The following DUX4 variants were observed in gnomAD, a reference collection of about 807,000 sequenced individuals.
DUX4 encodes the protein double homeobox protein 4.
At chr4:190,181,347 A>ATT (rs1742566331) in intron 1 of DUX4, among the ~76,000 whole-genome samples, 1 of 346 alleles carries the variant, frequency 2.9e-3, no homozygotes, top group African/African-American at 0.01. Flanking sequence ...CTGCAAAGAT[A>ATT]TGCCACAATG....
downstream of DUX4, among the ~76,000 whole-genome samples, chr4:190,179,486 TGA>T (rs1742497448): frequency 8.3e-6 from 1 of 120,182 alleles, no homozygotes. Context: ...ATCACCTGGG[TGA>T]TCAGTGCAGA....
At chr4:190,179,536 A>T (rs1742502406), downstream of DUX4, among the ~76,000 whole-genome samples, 3 of 136,988 alleles carry the variant, frequency 2.2e-5, no homozygotes, top group East Asian at 2.0e-4. Flanking sequence ...AGCCTAGACA[A>T]GAGTTATATC....
At position 190,175,243 on chromosome 4, in the gene DUX4, T is replaced by A. The variant is rs1467121956; in HGVS notation, c.*195T>A. 0.18 allele frequency: 13,401 copies of A among 75,482 alleles called. 6 individuals are homozygous for A. Among genetic ancestry groups the A allele is most frequent in the Non-Finnish European group, 0.23 (8,790 of 38,866 alleles). 4.7% of individuals were successfully genotyped at this position (75,482 alleles called of 1,614,324 possible). A position where few individuals can be genotyped will look rare whatever the true frequency, so the allele number is the denominator to read the frequency against. ...TCCGCGGAGAACTGCCTTTCTTTCC[T>A]GGGCATCCCGGGGATCCCAGAGCCG... On this transcript the variant is annotated 3_prime_UTR_variant, in exon 1 of 2. Transcript: ENST00000565211.
At chr4:190,177,182 G>A (rs1579832511), downstream of DUX4, among the ~76,000 whole-genome samples, 124 of 140,128 alleles carry the variant, frequency 8.8e-4, no homozygotes, top group African/African-American at 2.7e-3. Flanking sequence ...GCAGAGCTAT[G>A]TCAAAACGCC....
At chr4:190,181,480 G>T (rs1742572950) in intron 1 of DUX4, among the ~76,000 whole-genome samples, 2,929 of 68,464 alleles carry the variant, frequency 0.043, no homozygotes, top group East Asian at 0.095. Context: ...TCAGTGCAGA[G>T]ATACGTCACA....
At chr4:190,177,958 C>A (rs1742396359), downstream of DUX4, among the ~76,000 whole-genome samples, 2 of 141,886 alleles carry the variant, frequency 1.4e-5, no homozygotes, top group Admixed American at 7.2e-5. Context: ...TAGGCAGAGC[C>A]TAGACAAGAG....
chr4:190,176,684 T>C (rs1235335996), downstream of DUX4, among the ~76,000 whole-genome samples: 1 of 107,972 alleles, frequency 9.3e-6, no homozygotes. Flanking sequence ...ATCACTTGGT[T>C]GATCAGTTCA....
downstream of DUX4, among the ~76,000 whole-genome samples, chr4:190,177,870 A>AGCCGCC (rs1742391913): frequency 6.9e-6 from 1 of 145,352 alleles, no homozygotes; most frequent in Admixed American, 6.9e-5. Context: ...ATATGTCACA[A>AGCCGCC]TGTCCCTGTA....
intron 1 of DUX4, among the ~76,000 whole-genome samples, chr4:190,181,585 A>G (rs1742584094): frequency 5.2e-5 from 7 of 135,544 alleles, no homozygotes; most frequent in African/African-American, 1.7e-4. Flanking sequence ...AGCCTAGTCA[A>G]GCGTTACATC....
At chr4:190,181,303 A>AAT (rs1742562984) in intron 1 of DUX4, among the ~76,000 whole-genome samples, 3 of 134,344 alleles carry the variant, frequency 2.2e-5, no homozygotes, top group Non-Finnish European at 3.2e-5. Context: ...CAGTAGGCAG[A>AAT]GCCTAAAGAA....
downstream of DUX4, among the ~76,000 whole-genome samples, chr4:190,176,341 G>T (rs1440541965): frequency 1.4e-4 from 16 of 114,686 alleles, 5 homozygotes; most frequent in Non-Finnish European, 2.9e-4. Flanking sequence ...ACATCACCTG[G>T]GTGATCAGTG....
At chr4:190,177,049 A>ATGTC (rs1742338579), downstream of DUX4, among the ~76,000 whole-genome samples, 1 of 140,612 alleles carries the variant, frequency 7.1e-6, no homozygotes, top group Non-Finnish European at 1.6e-5. Flanking sequence ...GATATGTCAC[A>ATGTC]AATCCCCCTC....
downstream of DUX4, among the ~76,000 whole-genome samples, chr4:190,178,232 C>G (rs1742411943): frequency 9.3e-5 from 14 of 150,292 alleles, no homozygotes; most frequent in South Asian, 2.1e-4. Context: ...GTAGGCAGAG[C>G]ATAGAGAAGA....
intron 1 of DUX4, among the ~76,000 whole-genome samples, chr4:190,181,293 CAGTAGG>C (rs1742562282): frequency 1.2e-5 from 1 of 84,306 alleles, no homozygotes; most frequent in African/African-American, 5.0e-5. Context: ...ACAATGCCGC[CAGTAGG>C]CAGAGCCTAA....
chr4:190,178,958 G>C (rs1579834956), downstream of DUX4, among the ~76,000 whole-genome samples: 5 of 141,844 alleles, frequency 3.5e-5, no homozygotes, highest in Admixed American at 7.3e-5. Context: ...GCAGAAATAC[G>C]TCACAATGCC....
downstream of DUX4, among the ~76,000 whole-genome samples, chr4:190,178,248 A>C (rs1742412871): frequency 7.9e-5 from 12 of 151,902 alleles, no homozygotes; most frequent in South Asian, 4.1e-4. Flanking sequence ...GAAGAGTTGC[A>C]TCACCTGGGT....
chr4:190,177,025 G>T (rs1742337116), downstream of DUX4, among the ~76,000 whole-genome samples: 901 of 91,820 alleles, frequency 9.8e-3, no homozygotes, highest in East Asian at 0.044. Context: ...CATCACCTGG[G>T]TGATCAGTGC....
chr4:190,181,739 G>A (rs1742592636), intron 1 of DUX4, among the ~76,000 whole-genome samples: 65 of 133,884 alleles, frequency 4.9e-4, no homozygotes, highest in Non-Finnish European at 6.6e-4. Flanking sequence ...CATCACCTGG[G>A]TGATCAGTGC....
intron 1 of DUX4, among the ~76,000 whole-genome samples, chr4:190,181,595 CA>C: frequency 1.4e-5 from 1 of 71,522 alleles, no homozygotes; most frequent in South Asian, 3.9e-4. Flanking sequence ...AGCGTTACAT[CA>C]CCTGGGTGAT....
Sources: allele counts gnomAD v4.1 joint callset (sites outside exome capture counted in the v4.1 genomes callset), GRCh38; gene constraint gnomAD v4.1.1; transcripts MANE v1.5; gene names NCBI Gene and HGNC (gene_info 2026-07-23, HGNC 2026-07-21).